The following SLC6A16 variants were observed in gnomAD, a reference collection of about 807,000 sequenced individuals.
SLC6A16 encodes solute carrier family 6 member 16.
A neutral mutation model predicts 65.4 loss-of-function variants in SLC6A16; 54 were observed. The observed-to-expected ratio is 0.83, with a 90% CI of 0.66 to 1.04. SLC6A16 has a LOEUF of 1.04. SLC6A16 is among the 50% of genes least tolerant of loss of function. The pLI is 0.00. For synonymous variants in SLC6A16, 330 were observed against 346.5 expected, an observed-to-expected ratio of 0.95 and a Z score of 0.53; for missense variants, 816 against 914.0, an observed-to-expected ratio of 0.89 and a Z score of 1.38.
chr19:49,317,409 T>C (rs554842927), intron 1 of SLC6A16, among the ~76,000 whole-genome samples: 1 of 151,870 alleles, frequency 6.6e-6, no homozygotes, highest in Non-Finnish European at 1.5e-5. Flanking sequence ...AACATAGAAA[T>C]GAAGGATATA....
At chr19:49,339,035 A>G in the SLC6A16 span, 1 of 1,002,616 alleles carries the variant, frequency 1.0e-6, no homozygotes, top group Non-Finnish European at 1.5e-6. This position sits in a 1 kb window ranked among gnomAD's most constrained non-coding sequence, Gnocchi z 4.5. Context: ...GGCGGGGTCT[A>G]CGAGAAAAGG....
At chr19:49,294,201 T>C (rs1970138653) in intron 8 of SLC6A16, among the ~76,000 whole-genome samples, 166 bp downstream of exon 8, 1 of 152,168 alleles carries the variant, frequency 6.6e-6, no homozygotes, top group South Asian at 2.1e-4. Flanking sequence ...CACCTAGCAT[T>C]ATCCATGGAA....
intron 1 of SLC6A16, among the ~76,000 whole-genome samples, chr19:49,313,595 C>T (rs911496348): frequency 8.1e-6 from 1 of 123,822 alleles, no homozygotes. Flanking sequence ...GCCTGGCCAA[C>T]ATGGCAAAAC....
At chr19:49,332,311 C>T in the SLC6A16 span, 15 of 456,268 alleles carry the variant, frequency 3.3e-5, no homozygotes, top group Non-Finnish European at 6.6e-5. Flanking sequence ...AATCCCAGAA[C>T]TTTGGGAAGC....
the SLC6A16 span, chr19:49,337,938 T>C: frequency 2.5e-6 from 4 of 1,614,076 alleles, no homozygotes; most frequent in Non-Finnish European, 3.4e-6. Context: ...GAGCGAAGCT[T>C]GCGGGACGTC....
At chr19:49,333,674 G>A in the SLC6A16 span, among the ~76,000 whole-genome samples, 1 of 152,154 alleles carries the variant, frequency 6.6e-6, no homozygotes, top group Non-Finnish European at 1.5e-5. Context: ...GCCTGCCTGA[G>A]CCCTCAGGAC....
chr19:49,289,956 G>A lies in SLC6A16; in HGVS notation c.*167C>T, dbSNP rs1407064781. Reference sequence around the variant, plus strand: ...GGTCACCAGGTAAGATGGGACCCAGGAAGGGATTGCAAGTCCAGGCCCCAT... The same window carrying A: ...GGTCACCAGGTAAGATGGGACCCAGAAAGGGATTGCAAGTCCAGGCCCCAT... On this transcript the variant is annotated 3_prime_UTR_variant, in exon 12 of 12. Coordinates refer to ENST00000335875, the MANE Select transcript of SLC6A16 (RefSeq NM_014037.3). The A allele has an allele frequency of 4.6e-6, 3 of 647,736 alleles. No homozygotes were observed. The highest frequency in any genetic ancestry group is 7.9e-6 in the Non-Finnish European group (3 of 379,134). The allele number at this position is 647,736 out of a possible 1,614,324, so 40.1% of individuals were successfully genotyped here. A position where few individuals can be genotyped will look rare whatever the true frequency, so the allele number is the denominator to read the frequency against.
At position 49,309,757 on chromosome 19, in the gene SLC6A16, C is replaced by A; in HGVS notation, c.770G>T (p.Arg257Ile). The A allele has an allele frequency of 1.2e-6, 2 of 1,614,092 alleles. No individual in the cohort carries two copies. The highest frequency in any genetic ancestry group is 1.7e-6 in the Non-Finnish European group (2 of 1,179,970). Reference sequence around the variant, plus strand: ...GACTGGTGACCCGCCATCCTCGATTCTGTCTGAGGCCTTCAAGGCCTGCTG... The same window carrying A: ...GACTGGTGACCCGCCATCCTCGATTATGTCTGAGGCCTTCAAGGCCTGCTG... ...WYQQALKASD[R>I]IEDGGSPVYS... is the part of the protein sequence containing the mutation. The change falls in exon 5 of 12, where the codon AGA (arginine) becomes ATA (isoleucine). Residue 257 changes from arginine (R) to isoleucine (I), a missense_variant. Physicochemically the swap from Arg to Ile is moderately conservative, Grantham distance 97. Transcript: ENST00000335875.
the SLC6A16 span, chr19:49,337,528 G>T: frequency 1.2e-6 from 1 of 833,576 alleles, no homozygotes; most frequent in Non-Finnish European, 1.8e-6. Context: ...AGGTCGAGGT[G>T]GGAGGATCAC....
At chr19:49,322,950 G>A (rs1047831614) in intron 1 of SLC6A16, among the ~76,000 whole-genome samples, 8 of 142,532 alleles carry the variant, frequency 5.6e-5, no homozygotes, top group African/African-American at 1.6e-4. Flanking sequence ...GAAGAAAAAC[G>A]CTGGTGTACT....
intron 10 of SLC6A16, 113 bp downstream of exon 10, chr19:49,293,110 G>T: frequency 1.1e-6 from 1 of 891,822 alleles, no homozygotes; most frequent in East Asian, 2.5e-5. Context: ...AGAAGACTCT[G>T]AACTTAAGGG....
chr19:49,294,047 G>A lies in SLC6A16; in HGVS notation c.1417-19C>T, dbSNP rs1970134987. ...CGCTAGCCTGCAAAGAGAACAAAGAGGTGTTAAAGTGTCATTGAACTAAAC... is the reference window on the plus strand; with the variant it reads ...CGCTAGCCTGCAAAGAGAACAAAGAAGTGTTAAAGTGTCATTGAACTAAAC... On this transcript the variant is annotated intron_variant, in intron 8 of 11. Coordinates refer to ENST00000335875, the MANE Select transcript of SLC6A16 (RefSeq NM_014037.3). 1 of 1,600,450 alleles carries A rather than the reference G, an allele frequency of 6.2e-7. No homozygotes were observed. The highest frequency in any genetic ancestry group is 1.1e-5 in the South Asian group (1 of 90,884).
At chr19:49,295,094 TCACA>T (rs1206881371) in intron 7 of SLC6A16, among the ~76,000 whole-genome samples, 1 of 151,984 alleles carries the variant, frequency 6.6e-6, no homozygotes, top group Non-Finnish European at 1.5e-5. Flanking sequence ...TCATACCCCA[TCACA>T]CACAATACCA....
At chr19:49,338,728 A>T in the SLC6A16 span, 1 of 1,612,702 alleles carries the variant, frequency 6.2e-7, no homozygotes, top group Non-Finnish European at 8.5e-7. This position sits in a 1 kb window ranked among gnomAD's most constrained non-coding sequence, Gnocchi z 5.0. Flanking sequence ...CACTACCCGC[A>T]GGACTGGTTC....
Position 49,299,546 on chromosome 19 carries a change from A to AAAAAAG in SLC6A16, c.1230-4994_1230-4993insCTTTTT, listed in dbSNP as rs1555775036. The stretch of plus-strand genomic sequence containing the variant: ...GGGAGGCTTGGTGTAAAAAAAAAAA[A>AAAAAAG]AAAGAAAGAAAGAAAGAGAAAGCTG... On this transcript the variant is annotated intron_variant, in intron 7 of 11. Coordinates refer to ENST00000335875, the MANE Select transcript of SLC6A16 (RefSeq NM_014037.3). Among the ~76,000 whole-genome samples, 310 of 126,482 alleles carry AAAAAAG rather than the reference A, an allele frequency of 2.5e-3. 2 individuals are homozygous for AAAAAAG. The highest frequency in any genetic ancestry group is 9.0e-3 in the African/African-American group (282 of 31,176). The allele number at this position is 126,482 out of a possible 152,430, so 83.0% of individuals were successfully genotyped here.
At chr19:49,323,963 G>C (rs1340941806) in intron 1 of SLC6A16, among the ~76,000 whole-genome samples, 1 of 152,172 alleles carries the variant, frequency 6.6e-6, no homozygotes, top group African/African-American at 2.4e-5. Context: ...CCAGAAGTTC[G>C]AGGCTGTAGT....
At chr19:49,307,724 C>CAAAAAAAAAAAAA (rs74182049) in intron 7 of SLC6A16, among the ~76,000 whole-genome samples, 1 of 76,642 alleles carries the variant, frequency 1.3e-5, no homozygotes, top group Non-Finnish European at 2.3e-5. Flanking sequence ...GAGGAGGAAG[C>CAAAAAAAAAAAAA]AAAAAAAAAG....
At chr19:49,329,855 G>A (rs908947194), upstream of SLC6A16, among the ~76,000 whole-genome samples, 3 of 151,892 alleles carry the variant, frequency 2.0e-5, no homozygotes, top group Admixed American at 6.6e-5. Context: ...GGATGGTCTC[G>A]ATCTCCTGAA....
the SLC6A16 span, chr19:49,336,020 C>T: frequency 8.7e-6 from 5 of 576,656 alleles, no homozygotes; most frequent in African/African-American, 1.9e-5. Context: ...TCTGTCGGGA[C>T]TTGTGGCTGG....
Sources: allele counts gnomAD v4.1 joint callset (sites outside exome capture counted in the v4.1 genomes callset), GRCh38; gene constraint gnomAD v4.1.1; non-coding constraint Gnocchi (gnomAD v3.1); transcripts MANE v1.5; gene names NCBI Gene and HGNC (gene_info 2026-07-23, HGNC 2026-07-21).